Variants in PACRG observed in about 807,000 individuals in gnomAD.
The protein encoded by PACRG is parkin coregulated gene protein.
Under a neutral mutation model 29.7 loss-of-function variants are expected in PACRG, and 29 were observed. That is an observed-to-expected ratio of 0.98 (90% CI 0.73 to 1.33). The LOEUF is 1.33. PACRG is among the 40% of genes most tolerant of loss of function. The pLI is 0.00. For synonymous variants in PACRG, 116 were observed against 118.7 expected, an observed-to-expected ratio of 0.98 and a Z score of 0.15; for missense variants, 279 against 316.2, an observed-to-expected ratio of 0.88 and a Z score of 0.89.
intron 2 of PACRG, among the ~76,000 whole-genome samples, chr6:162,835,881 C>T (rs9347693): frequency 0.065 from 9,839 of 152,108 alleles, 460 homozygotes; most frequent in East Asian, 0.26. Flanking sequence ...AAGAATCATA[C>T]GATTTGTGTG....
chr6:162,943,664 C>A (rs1477384362), intron 2 of PACRG, among the ~76,000 whole-genome samples: 1 of 152,102 alleles, frequency 6.6e-6, no homozygotes, highest in Non-Finnish European at 1.5e-5. Context: ...CTGGCTCCAC[C>A]ACCTCCAGTG....
At chr6:162,839,679 C>T (rs913060557) in intron 2 of PACRG, among the ~76,000 whole-genome samples, 3 of 152,092 alleles carry the variant, frequency 2.0e-5, no homozygotes, top group Non-Finnish European at 4.4e-5. Context: ...ATGCCTATGT[C>T]CTGAATGGTA....
At chr6:163,254,310 T>C (rs540105302) in intron 4 of PACRG, among the ~76,000 whole-genome samples, 148 of 152,200 alleles carry the variant, frequency 9.7e-4, no homozygotes, top group African/African-American at 3.3e-3. Flanking sequence ...AGAAATGCGC[T>C]GATGAAGGGG....
chr6:162,774,211 C>T (rs1033242290), intron 1 of PACRG, among the ~76,000 whole-genome samples: 3 of 152,162 alleles, frequency 2.0e-5, no homozygotes, highest in Admixed American at 6.5e-5. Flanking sequence ...CCACTCTCTC[C>T]GACTCTGAAG....
At chr6:162,791,312 T>G (rs937213508) in intron 1 of PACRG, among the ~76,000 whole-genome samples, 54 of 80,890 alleles carry the variant, frequency 6.7e-4, no homozygotes, top group Admixed American at 1.3e-3. Context: ...TGTTTGTTTG[T>G]TTTTTTTTTT....
intron 4 of PACRG, among the ~76,000 whole-genome samples, chr6:163,277,908 C>G (rs918884947): frequency 1.3e-5 from 2 of 152,130 alleles, no homozygotes; most frequent in Non-Finnish European, 2.9e-5. Flanking sequence ...TAAGGAATCT[C>G]CACACTATTT....
chr6:163,233,110 G>A (rs1331985755), intron 4 of PACRG, among the ~76,000 whole-genome samples: 1 of 152,234 alleles, frequency 6.6e-6, no homozygotes, highest in Non-Finnish European at 1.5e-5. Flanking sequence ...CGCTCAGCAG[G>A]AATTTGTCCC....
intron 1 of PACRG, among the ~76,000 whole-genome samples, chr6:162,740,018 A>G (rs532266148): frequency 2.0e-5 from 3 of 152,184 alleles, no homozygotes; most frequent in African/African-American, 7.2e-5. Flanking sequence ...TCTTTTCCAT[A>G]TGGAGAGCCA....
Position 162,937,632 on chromosome 6 carries a change from A to G in PACRG, c.291+123351A>G, listed in dbSNP as rs115976095. The stretch of plus-strand genomic sequence containing the variant: ...CCCTCCCCAAACCAGTTTCCATTGT[A>G]AGTATGGTCGTATTTGCCCTAGGTT... On this transcript the variant is annotated intron_variant, in intron 2 of 4. Transcript: ENST00000366888. 5.6e-3 allele frequency among the ~76,000 whole-genome samples: 848 copies of G among 152,266 alleles called. 11 individuals carry two copies. The highest frequency in any genetic ancestry group is 0.019 in the African/African-American group (809 of 41,568).
chr6:163,138,178 G>A (rs1817013627), intron 4 of PACRG, among the ~76,000 whole-genome samples: 1 of 152,210 alleles, frequency 6.6e-6, no homozygotes, highest in Non-Finnish European at 1.5e-5. Context: ...TACACATTGT[G>A]ATACTTACCT....
At chr6:163,171,123 A>G (rs541242320) in intron 4 of PACRG, among the ~76,000 whole-genome samples, 1 of 152,392 alleles carries the variant, frequency 6.6e-6, no homozygotes, top group East Asian at 1.9e-4. Context: ...AAAGCAAAGT[A>G]GAACATGCTG....
intron 3 of PACRG, among the ~76,000 whole-genome samples, chr6:163,086,404 C>T (rs993037171): frequency 5.3e-5 from 8 of 152,134 alleles, no homozygotes; most frequent in Non-Finnish European, 1.0e-4. Context: ...TGTTTTTCAG[C>T]AGATAGATTT....
chr6:163,136,690 G>A (rs1816948692), intron 4 of PACRG, among the ~76,000 whole-genome samples: 2 of 152,152 alleles, frequency 1.3e-5, no homozygotes, highest in South Asian at 4.1e-4. Flanking sequence ...TAGTTATAAC[G>A]GAAACTGTTG....
rs567517620 is a variant in PACRG at position 163,129,547 on chromosome 6, G to A, written c.613+40139G>A. ...CAGTGCCTACATTTCAATGTTGAGCGTGTTCCTTGTTTTCTTATGATTAGA... is the reference window on the plus strand; with the variant it reads ...CAGTGCCTACATTTCAATGTTGAGCATGTTCCTTGTTTTCTTATGATTAGA... On this transcript the variant is annotated intron_variant, in intron 4 of 4. Coordinates refer to ENST00000366888, the MANE Select transcript of PACRG (RefSeq NM_001080379.2). Among the ~76,000 whole-genome samples the A allele has an allele frequency of 8.5e-5, 13 of 152,326 alleles. No homozygotes were observed. The East Asian group carries it at 1.9e-3, about 23-fold the overall frequency.
chr6:162,865,383 G>A (rs1182981678), intron 2 of PACRG, among the ~76,000 whole-genome samples: 2 of 152,128 alleles, frequency 1.3e-5, no homozygotes, highest in African/African-American at 2.4e-5. Flanking sequence ...TTAGGATATA[G>A]GGATACAGCA....
At chr6:163,131,315 CAAAAAAAAAAAA>C (rs55958953) in intron 4 of PACRG, among the ~76,000 whole-genome samples, 28 of 136,212 alleles carry the variant, frequency 2.1e-4, no homozygotes, top group South Asian at 2.4e-4. Context: ...CTGTCTCAAA[CAAAAAAAAAAAA>C]AAAAAAAAAA....
intron 4 of PACRG, among the ~76,000 whole-genome samples, chr6:163,257,752 T>C (rs982159887): frequency 1.3e-5 from 2 of 152,236 alleles, no homozygotes; most frequent in Admixed American, 1.3e-4. Flanking sequence ...AAATATTTTT[T>C]AACTTCTTTA....
At chr6:163,043,837 C>T (rs1431107088) in intron 2 of PACRG, among the ~76,000 whole-genome samples, 1 of 152,070 alleles carries the variant, frequency 6.6e-6, no homozygotes, top group Non-Finnish European at 1.5e-5. Context: ...GGATTATAGG[C>T]CGTAAGTTCT....
intron 2 of PACRG, among the ~76,000 whole-genome samples, chr6:162,934,273 T>A (rs559290280): frequency 2.1e-4 from 30 of 144,424 alleles, no homozygotes; most frequent in Admixed American, 7.7e-4. Flanking sequence ...AAAAAAAAAA[T>A]AAATAAATGA....
Sources: allele counts gnomAD v4.1 joint callset (sites outside exome capture counted in the v4.1 genomes callset), GRCh38; gene constraint gnomAD v4.1.1; transcripts MANE v1.5; gene names NCBI Gene and HGNC (gene_info 2026-07-23, HGNC 2026-07-21).